WDR54: variants seen among roughly 807,000 people sequenced by gnomAD.
The protein encoded by WDR54 is WD repeat-containing protein 54.
In WDR54, 44 loss-of-function variants were observed where a neutral mutation model predicts 44.1. That is an observed-to-expected ratio of 1.00 (90% CI 0.78 to 1.28). The LOEUF (loss-of-function observed/expected upper bound fraction) is 1.28. WDR54 is among the 50% of genes most tolerant of loss of function. The pLI, the probability that WDR54 is intolerant of heterozygous loss-of-function variation, is 0.00. For missense variants in WDR54, 409 were observed against 429.7 expected (o/e 0.95, Z 0.43); for synonymous variants, 169 against 169.8 (o/e 1.00, Z 0.04).
intron 2 of WDR54, 113 bp downstream of exon 2, chr2:74,422,488 C>G: frequency 3.2e-6 from 4 of 1,263,286 alleles, no homozygotes; most frequent in Non-Finnish European, 4.3e-6. Flanking sequence ...CCAGGCATGT[C>G]CTAACCTCAG....
rs377609118 is a variant in WDR54 at position 74,422,863 on chromosome 2, C to A, written c.223-7C>A. ...TTTTCTCCCTACACTGATGCACCTC[C>A]CTCCAGGTCCACTGGTGTGTCCTCC... On this transcript the variant is annotated splice_polypyrimidine_tract_variant and splice_region_variant and intron_variant, in intron 2 of 9. Coordinates refer to ENST00000348227, the MANE Select transcript of WDR54 (RefSeq NM_032118.4). The A allele has an allele frequency of 4.3e-6, 7 of 1,613,776 alleles. No individual in the cohort carries two copies. The highest frequency in any genetic ancestry group is 5.1e-6 in the Non-Finnish European group (6 of 1,179,728).
chr2:74,425,617 T>C lies in WDR54; in HGVS notation c.921T>C (p.Gly307=). 1.2e-6 allele frequency: 2 copies of C among 1,614,220 alleles called. No homozygotes were observed. The highest frequency in any genetic ancestry group is 4.5e-5 in the East Asian group (2 of 44,880). Residue 307 remains glycine (G), a synonymous_variant, in exon 10 of 10, where the codon GGT becomes GGC. Coordinates refer to ENST00000348227, the MANE Select transcript of WDR54 (RefSeq NM_032118.4). The stretch of plus-strand genomic sequence containing the variant: ...GTGTCGCCGACACCCAGCTGTGTGG[T>C]GCTCGATTTTGTGATTCCTCAGGCA... The part of the protein sequence containing the change: ...GECVADTQLC[G]ARFCDSSGNS...
At position 74,425,742 on chromosome 2, in the gene WDR54, A is replaced by G; in HGVS notation, c.*41A>G. ...TTTGTCCCTGTGGTATTCATAAAGTACCCGCTCCACCCAGCCTTTGTCTGA... is the reference window on the plus strand; with the variant it reads ...TTTGTCCCTGTGGTATTCATAAAGTGCCCGCTCCACCCAGCCTTTGTCTGA... On this transcript the variant is annotated 3_prime_UTR_variant, in exon 10 of 10. Transcript: ENST00000348227. The G allele has an allele frequency of 6.2e-7, 1 of 1,612,832 alleles. No individual in the cohort carries two copies. Among genetic ancestry groups the G allele is most frequent in the Non-Finnish European group, 8.5e-7 (1 of 1,179,576 alleles).
intron 1 of WDR54, 38 bp from the exon 2 acceptor site, chr2:74,422,115 T>G: frequency 2.5e-6 from 4 of 1,598,410 alleles, no homozygotes; most frequent in Non-Finnish European, 3.4e-6. Flanking sequence ...TGCGTCTGTT[T>G]GTAGCGCGCC....
intron 8 of WDR54, 46 bp downstream of exon 8, chr2:74,425,283 G>C (rs781065595): frequency 6.5e-7 from 1 of 1,536,940 alleles, no homozygotes; most frequent in Non-Finnish European, 8.8e-7. Context: ...CCTGGCAGTG[G>C]AATGTTGAGA....
intron 3 of WDR54, 66 bp from the exon 4 acceptor site, chr2:74,423,253 G>A: frequency 6.4e-7 from 1 of 1,553,134 alleles, no homozygotes; most frequent in African/African-American, 1.4e-5. Context: ...GGCTAACACG[G>A]ATATGTGAAG....
chr2:74,423,260 G>A, intron 3 of WDR54, 59 bp from the exon 4 acceptor site: 1 of 1,573,666 alleles, frequency 6.4e-7, no homozygotes, highest in Non-Finnish European at 8.7e-7. Context: ...ACGGATATGT[G>A]AAGTACTCAG....
Position 74,423,507 on chromosome 2 carries a change from G to C in WDR54, c.382G>C (p.Ala128Pro). Residue 128 changes from alanine to proline, a missense_variant, in exon 5 of 10, where the codon GCC becomes CCC. By Grantham distance (27) the Ala-to-Pro change is conservative. Coordinates refer to ENST00000348227, the MANE Select transcript of WDR54 (RefSeq NM_032118.4). Reference protein sequence around the residue: ...VQAVFARGIAASGHFICVGTW... With the variant: ...VQAVFARGIAPSGHFICVGTW... ...GGCTGTGTTTGCCCGGGGAATTGCTGCCAGTGGCCACTTCATCTGTGTGGG... is the reference window on the plus strand; with the variant it reads ...GGCTGTGTTTGCCCGGGGAATTGCTCCCAGTGGCCACTTCATCTGTGTGGG... 6.2e-7 allele frequency: 1 copy of C among 1,613,984 alleles called. No individual in the cohort carries two copies. The highest frequency in any genetic ancestry group is 8.5e-7 in the Non-Finnish European group (1 of 1,179,898).
At chr2:74,422,532 C>T in intron 2 of WDR54, 157 bp downstream of exon 2, 1 of 905,306 alleles carries the variant, frequency 1.1e-6, no homozygotes. Context: ...CGGTGGCTCA[C>T]GCCTGTAATC....
At chr2:74,421,927 C>T (rs1676637661) in intron 1 of WDR54, 111 bp downstream of exon 1, 3 of 619,090 alleles carry the variant, frequency 4.8e-6, no homozygotes, top group African/African-American at 3.7e-5. Context: ...TCGGGTGGTC[C>T]TGTGTCATCC....
chr2:74,422,806 AAAAAC>A, intron 2 of WDR54, 59 bp from the exon 3 acceptor site: 1 of 1,461,304 alleles, frequency 6.8e-7, no homozygotes, highest in Non-Finnish European at 9.4e-7. Context: ...AAAAAAAAAA[AAAAAC>A]AAACAAACTC....
chr2:74,422,319 C>T lies in WDR54; in HGVS notation c.166C>T (p.Gln56Ter). The T allele has an allele frequency of 6.2e-7, 1 of 1,614,202 alleles. No individual in the cohort carries two copies. Among genetic ancestry groups the T allele is most frequent in the Non-Finnish European group, 8.5e-7 (1 of 1,180,032 alleles). The change falls in exon 2 of 10, where the codon CAG (glutamine) becomes TAG (stop). Residue 56 changes from glutamine to a stop codon, truncating the protein, a stop_gained. Transcript: ENST00000348227. LOFTEE classifies it high-confidence loss of function. ...SAAPEGVPLAQRQLHAKEGAG... is the reference protein window; with the variant it reads ...SAAPEGVPLA ...TGCTCCTGAGGGTGTGCCCTTGGCCCAGCGCCAGCTCCACGCTAAGGAGGG... is the reference window on the plus strand; with the variant it reads ...TGCTCCTGAGGGTGTGCCCTTGGCCTAGCGCCAGCTCCACGCTAAGGAGGG...
At chr2:74,424,353 C>G (rs1275841052) in intron 6 of WDR54, among the ~76,000 whole-genome samples, 2 of 152,214 alleles carry the variant, frequency 1.3e-5, no homozygotes, top group African/African-American at 4.8e-5. Context: ...CCACTGATGT[C>G]TCTTAGCTGA....
Position 74,422,344 on chromosome 2 carries a change from G to GT in WDR54, c.192dup (p.Ala65CysfsTer82). The GT allele has an allele frequency of 6.2e-7, 1 of 1,613,996 alleles. No individual in the cohort carries two copies. The highest frequency in any genetic ancestry group is 8.5e-7 in the Non-Finnish European group (1 of 1,179,912). ...CAGCGCCAGCTCCACGCTAAGGAGG[G>GT]TGCTGGAGTGAGTCCCCCACTTATC... On this transcript the variant is annotated frameshift_variant, in exon 2 of 10. Transcript: ENST00000348227. LOFTEE classifies it high-confidence loss of function.
At chr2:74,423,266 C>T in intron 3 of WDR54, 53 bp from the exon 4 acceptor site, 13 of 1,590,172 alleles carry the variant, frequency 8.2e-6, no homozygotes, top group African/African-American at 1.3e-5. Flanking sequence ...ATGTGAAGTA[C>T]TCAGCAGAGG....
chr2:74,422,211 A>C lies in WDR54; in HGVS notation c.58A>C (p.Asn20His), dbSNP rs779295386. Residue 20 changes from asparagine (N) to histidine (H), a missense_variant, in exon 2 of 10, where the codon AAC (asparagine) becomes CAC (histidine). By Grantham distance (68) the Asn-to-His change is moderately conservative. Transcript: ENST00000348227. The stretch of plus-strand genomic sequence containing the variant: ...AGGCTCGGCCGCCGCCCTGTGCAAC[A>C]ACCTCAGTGTGCTGCAGCTGCCGGC... Reference protein sequence around the residue: ...LRGSAAALCNNLSVLQLPARN... With the variant: ...LRGSAAALCNHLSVLQLPARN... 4.3e-6 allele frequency: 7 copies of C among 1,614,100 alleles called. No individual in the cohort carries two copies. Among genetic ancestry groups the C allele is most frequent in the Non-Finnish European group, 5.9e-6 (7 of 1,180,030 alleles).
rs199822193 is a variant in WDR54 at position 74,425,729 on chromosome 2, G to C, written c.*28G>C. The C allele has an allele frequency of 4.7e-3, 7,557 of 1,613,768 alleles. 25 individuals carry two copies. The highest frequency in any genetic ancestry group is 5.7e-3 in the Non-Finnish European group (6,692 of 1,179,926). On this transcript the variant is annotated 3_prime_UTR_variant, in exon 10 of 10. Transcript: ENST00000348227. ...AGAGCAGCCTTCCTTTGTCCCTGTG[G>C]TATTCATAAAGTACCCGCTCCACCC... is the stretch of plus-strand genomic sequence containing the variant.
At chr2:74,422,990 C>A in intron 3 of WDR54, 58 bp downstream of exon 3, 1 of 1,572,546 alleles carries the variant, frequency 6.4e-7, no homozygotes, top group Non-Finnish European at 8.8e-7. Context: ...CCCTGCCAGG[C>A]TTCCAGACTT....
intron 1 of WDR54, 51 bp from the exon 2 acceptor site, chr2:74,422,102 C>A: frequency 2.5e-6 from 4 of 1,579,470 alleles, no homozygotes; most frequent in East Asian, 2.2e-5. Flanking sequence ...CGGGCATCTC[C>A]GCTGCGTCTG....
Sources: allele counts gnomAD v4.1 joint callset (sites outside exome capture counted in the v4.1 genomes callset), GRCh38; gene constraint gnomAD v4.1.1; transcripts MANE v1.5; gene names NCBI Gene and HGNC (gene_info 2026-07-23, HGNC 2026-07-21).